Variants in NRXN3 observed in about 807,000 individuals in gnomAD.
NRXN3 encodes neurexin 3.
In NRXN3, 32 loss-of-function variants were observed where a neutral mutation model predicts 137.6. The observed-to-expected ratio is 0.23, with a 90% CI of 0.18 to 0.31. The LOEUF is 0.31. NRXN3 is among the 10% of genes least tolerant of loss of function. The probability of loss-of-function intolerance (pLI) is 1.00; values close to 1 mark genes in which losing one functional copy is unlikely to be tolerated. For synonymous variants in NRXN3, 798 were observed against 784.5 expected (o/e 1.02, Z -0.29); for missense variants, 1,574 against 2,062.5 (o/e 0.76, Z 4.59).
At chr14:78,690,628 GA>G (rs1484332839) in intron 6 of NRXN3, among the ~76,000 whole-genome samples, 1 of 152,082 alleles carries the variant, frequency 6.6e-6, no homozygotes, top group Non-Finnish European at 1.5e-5. Flanking sequence ...ATAGGGTGGA[GA>G]AAATGAATAT....
chr14:79,794,342 C>A (rs529517212), intron 19 of NRXN3, among the ~76,000 whole-genome samples: 3 of 151,606 alleles, frequency 2.0e-5, no homozygotes, highest in Non-Finnish European at 4.4e-5. Flanking sequence ...CCAGCCTGGG[C>A]GACAGAGTGA....
chr14:79,575,507 A>C (rs1464662728), intron 16 of NRXN3, among the ~76,000 whole-genome samples: 5 of 152,204 alleles, frequency 3.3e-5, no homozygotes, highest in African/African-American at 1.2e-4. Flanking sequence ...TTTTAACAAA[A>C]CATAAAAATA....
At chr14:78,945,660 T>C (rs1012226099) in intron 10 of NRXN3, among the ~76,000 whole-genome samples, 1 of 152,196 alleles carries the variant, frequency 6.6e-6, no homozygotes, top group South Asian at 2.1e-4. Flanking sequence ...TAAAATGTGG[T>C]TGTTAATGGG....
intron 4 of NRXN3, among the ~76,000 whole-genome samples, chr14:78,460,117 T>C (rs2153716889): frequency 6.6e-6 from 1 of 152,340 alleles, no homozygotes; most frequent in South Asian, 2.1e-4. Flanking sequence ...AAAGAATACT[T>C]ATCAACAGCC....
intron 2 of NRXN3, among the ~76,000 whole-genome samples, chr14:78,247,233 C>A (rs2067827006): frequency 6.6e-6 from 1 of 152,172 alleles, no homozygotes; most frequent in Admixed American, 6.5e-5. Context: ...TGTGCAGGCC[C>A]ATCTCTTTTA....
At chr14:79,387,991 A>C (rs2094696954) in intron 15 of NRXN3, among the ~76,000 whole-genome samples, 1 of 149,856 alleles carries the variant, frequency 6.7e-6, no homozygotes, top group Non-Finnish European at 1.5e-5. Flanking sequence ...ATTAGGAGAT[A>C]TAGCTAATGT....
intron 4 of NRXN3, among the ~76,000 whole-genome samples, chr14:78,406,878 G>T (rs1356147250): frequency 6.6e-6 from 1 of 152,144 alleles, no homozygotes; most frequent in Non-Finnish European, 1.5e-5. Context: ...ATGATCCCAA[G>T]ATTCCCTGAC....
chr14:79,123,902 C>T (rs368690182), intron 15 of NRXN3, among the ~76,000 whole-genome samples: 1 of 152,174 alleles, frequency 6.6e-6, no homozygotes, highest in Non-Finnish European at 1.5e-5. Flanking sequence ...ACCCTTAGCA[C>T]CCTCTGCTTA....
intron 4 of NRXN3, among the ~76,000 whole-genome samples, chr14:78,522,682 T>C (rs2096302119): frequency 1.3e-5 from 2 of 152,196 alleles, no homozygotes; most frequent in Admixed American, 1.3e-4. Flanking sequence ...CTAGGTCTGA[T>C]AAATCAGAAT....
chr14:79,044,722 CAT>C (rs1555690447), intron 15 of NRXN3, among the ~76,000 whole-genome samples: 2 of 126,152 alleles, frequency 1.6e-5, no homozygotes, highest in Non-Finnish European at 1.7e-5. Flanking sequence ...CACACACACA[CAT>C]ATATACCACA....
At chr14:78,292,984 A>G (rs2075960355) in intron 3 of NRXN3, among the ~76,000 whole-genome samples, 1 of 152,064 alleles carries the variant, frequency 6.6e-6, no homozygotes, top group Non-Finnish European at 1.5e-5. Flanking sequence ...CTCATCTACA[A>G]CATACAGAAT....
chr14:78,967,443 C>A (rs1309217127), intron 13 of NRXN3, 45 bp downstream of exon 13: 2 of 1,396,146 alleles, frequency 1.4e-6, no homozygotes, highest in Non-Finnish European at 2.0e-6. Context: ...GCTTTTCTTA[C>A]AATAGATAGA....
At chr14:78,953,751 AG>A (rs747162068) in intron 10 of NRXN3, among the ~76,000 whole-genome samples, 40 of 145,820 alleles carry the variant, frequency 2.7e-4, no homozygotes, top group Admixed American at 4.6e-4. Context: ...AGAGAATCAA[AG>A]GATTTTTTTT....
chr14:79,049,664 T>TATTA (rs2099639082), intron 15 of NRXN3, among the ~76,000 whole-genome samples: 8 of 152,162 alleles, frequency 5.3e-5, no homozygotes, highest in Admixed American at 5.2e-4. Flanking sequence ...TCACTACCTA[T>TATTA]ATTAGCTATA....
At chr14:79,360,834 G>A (rs2093658015) in intron 15 of NRXN3, among the ~76,000 whole-genome samples, 1 of 152,188 alleles carries the variant, frequency 6.6e-6, no homozygotes, top group African/African-American at 2.4e-5. Context: ...TTGAACCTCA[G>A]TGTCCTCATT....
At chr14:78,902,136 G>T (rs1474804651) in intron 10 of NRXN3, among the ~76,000 whole-genome samples, 2 of 151,494 alleles carry the variant, frequency 1.3e-5, no homozygotes, top group African/African-American at 4.9e-5. Flanking sequence ...AGACAAGTGA[G>T]CAAAGGGATT....
intron 6 of NRXN3, among the ~76,000 whole-genome samples, chr14:78,683,490 C>G (rs1360872687): frequency 6.6e-6 from 1 of 152,158 alleles, no homozygotes; most frequent in Admixed American, 6.5e-5. Flanking sequence ...GAAAAACACA[C>G]TGAACCATCC....
chr14:78,805,420 C>A (rs1298596755), intron 9 of NRXN3, among the ~76,000 whole-genome samples: 1 of 151,952 alleles, frequency 6.6e-6, no homozygotes, highest in African/African-American at 2.4e-5. Context: ...CCAAAGCCTG[C>A]GGCCCGCATA....
chr14:79,741,226 C>A (rs1270973890), intron 19 of NRXN3, among the ~76,000 whole-genome samples: 1 of 152,164 alleles, frequency 6.6e-6, no homozygotes, highest in Non-Finnish European at 1.5e-5. Context: ...ATGATACCTT[C>A]ATTCCTTAAA....
Sources: allele counts gnomAD v4.1 joint callset (sites outside exome capture counted in the v4.1 genomes callset), GRCh38; gene constraint gnomAD v4.1.1; transcripts MANE v1.5; gene names NCBI Gene and HGNC (gene_info 2026-07-23, HGNC 2026-07-21).